ATF7: variants seen among roughly 807,000 people sequenced by gnomAD.
ATF7 encodes cyclic AMP-dependent transcription factor ATF-7.
A neutral mutation model predicts 50.4 loss-of-function variants in ATF7; 10 were observed. The ratio of observed to expected loss-of-function variants is 0.20; its 90% confidence interval spans 0.12 to 0.34. ATF7 has a LOEUF of 0.34. ATF7 is among the 10% of genes least tolerant of loss of function. ATF7 has a pLI of 1.00. For missense variants in ATF7, 465 were observed against 613.9 expected, an observed-to-expected ratio of 0.76 and a Z score of 2.56; for synonymous variants, 201 against 226.4, an observed-to-expected ratio of 0.89 and a Z score of 1.01.
chr12:53,579,017 C>T (rs1183285598), intron 2 of ATF7, among the ~76,000 whole-genome samples: 1 of 151,928 alleles, frequency 6.6e-6, no homozygotes, highest in East Asian at 1.9e-4. Flanking sequence ...CTGAGGCAGG[C>T]AGATCACCTG....
intron 3 of ATF7, among the ~76,000 whole-genome samples, chr12:53,546,998 T>TTTTTTTTTTC: frequency 7.0e-6 from 1 of 142,352 alleles, no homozygotes; most frequent in Non-Finnish European, 1.5e-5. Flanking sequence ...TTTTTTTTTT[T>TTTTTTTTTTC]CCTTGAGACA....
chr12:53,529,160 A>T (rs575855298), intron 9 of ATF7, among the ~76,000 whole-genome samples: 29 of 152,302 alleles, frequency 1.9e-4, no homozygotes, highest in African/African-American at 6.5e-4. Context: ...ACTCATGACC[A>T]GCCTGGGCAA....
chr12:53,509,718 CTGGTCT>C (rs552097088), downstream of ATF7, among the ~76,000 whole-genome samples: 1 of 152,068 alleles, frequency 6.6e-6, no homozygotes, highest in Non-Finnish European at 1.5e-5. Flanking sequence ...GTTGGCCAGG[CTGGTCT>C]TGAACTCCTG....
Position 53,517,130 on chromosome 12 carries a change from G to T in ATF7, c.*7C>A, listed in dbSNP as rs1344971322. The T allele has an allele frequency of 6.2e-7, 1 of 1,609,148 alleles. No homozygotes were observed. The highest frequency in any genetic ancestry group is 1.3e-5 in the African/African-American group (1 of 75,068). On this transcript the variant is annotated 3_prime_UTR_variant, in exon 12 of 12. Coordinates refer to ENST00000420353, the MANE Select transcript of ATF7 (RefSeq NM_006856.3). ...TCTGGCTGAGGACCTCTCCACCAGA[G>T]GAGGCATCATCTGCCCGCAGACTGG... is the stretch of plus-strand genomic sequence containing the variant.
chr12:53,605,474 G>A (rs75949082), intron 1 of ATF7, among the ~76,000 whole-genome samples: 61 of 150,584 alleles, frequency 4.1e-4, no homozygotes, highest in African/African-American at 1.4e-3. Flanking sequence ...TACACATTTA[G>A]TGAGTTTTAA....
chr12:53,595,217 A>G (rs1383025872), intron 2 of ATF7, among the ~76,000 whole-genome samples: 1 of 152,206 alleles, frequency 6.6e-6, no homozygotes, highest in Non-Finnish European at 1.5e-5. Context: ...TTTTTGCCTG[A>G]AATTGCCTTC....
downstream of ATF7, chr12:53,512,002 G>A (rs1330584002): frequency 6.6e-6 from 1 of 152,262 alleles, no homozygotes; most frequent in Admixed American, 6.6e-5. Flanking sequence ...TGACCTCCCA[G>A]AAAAGGGGAC....
intron 2 of ATF7, among the ~76,000 whole-genome samples, chr12:53,597,595 G>A (rs1373585717): frequency 2.0e-5 from 3 of 152,058 alleles, no homozygotes; most frequent in Non-Finnish European, 2.9e-5. Flanking sequence ...GGACCACGAG[G>A]TCAGGAGACT....
intron 3 of ATF7, among the ~76,000 whole-genome samples, chr12:53,550,323 C>CAAA (rs72114384): frequency 5.5e-4 from 69 of 126,318 alleles, no homozygotes; most frequent in Admixed American, 2.2e-3. Flanking sequence ...GACCCTGTCT[C>CAAA]AAAAAAAAAA....
intron 2 of ATF7, among the ~76,000 whole-genome samples, chr12:53,596,964 TAACC>T (rs1479767923): frequency 1.1e-4 from 16 of 152,296 alleles, no homozygotes; most frequent in Non-Finnish European, 1.9e-4. Flanking sequence ...TTAACAACAC[TAACC>T]CCATTCTCAG....
intron 3 of ATF7, among the ~76,000 whole-genome samples, chr12:53,551,652 G>A (rs1038523924): frequency 6.6e-6 from 1 of 152,192 alleles, no homozygotes; most frequent in African/African-American, 2.4e-5. Flanking sequence ...CATCATGTAT[G>A]GAAGTATGAT....
At chr12:53,531,509 T>A (rs572679289) in intron 9 of ATF7, among the ~76,000 whole-genome samples, 5 of 151,498 alleles carry the variant, frequency 3.3e-5, no homozygotes. Flanking sequence ...CAAGGGTGAA[T>A]AAAGAATGGT....
intron 1 of ATF7, among the ~76,000 whole-genome samples, chr12:53,613,561 C>A (rs1943987051): frequency 6.6e-6 from 1 of 151,974 alleles, no homozygotes; most frequent in African/African-American, 2.4e-5. Flanking sequence ...TACTCTGTTG[C>A]CCAAGCTGGA....
chr12:53,608,702 TA>T (rs897390931), intron 1 of ATF7, among the ~76,000 whole-genome samples: 2 of 152,206 alleles, frequency 1.3e-5, no homozygotes, highest in South Asian at 4.1e-4. Flanking sequence ...TTTATGATAA[TA>T]AAAAAATTAT....
intron 2 of ATF7, among the ~76,000 whole-genome samples, chr12:53,584,881 G>C (rs963206196): frequency 6.6e-6 from 1 of 152,168 alleles, no homozygotes; most frequent in Non-Finnish European, 1.5e-5. Flanking sequence ...GCTTGCCAGC[G>C]GTCAGTGGGA....
At chr12:53,529,357 G>A (rs530732588) in intron 9 of ATF7, among the ~76,000 whole-genome samples, 2 of 151,936 alleles carry the variant, frequency 1.3e-5, no homozygotes, top group South Asian at 2.1e-4. Context: ...GCGCCACCAC[G>A]CCTGGCTAAT....
chr12:53,575,913 TGA>T (rs1942042164), intron 2 of ATF7: 2 of 153,222 alleles, frequency 1.3e-5, no homozygotes, highest in African/African-American at 4.8e-5. Context: ...CAACTGTGCA[TGA>T]GAGAACACAC....
At chr12:53,610,473 G>C (rs1943815901) in intron 1 of ATF7, among the ~76,000 whole-genome samples, 1 of 150,986 alleles carries the variant, frequency 6.6e-6, no homozygotes, top group Non-Finnish European at 1.5e-5. Flanking sequence ...GGTGAGGTGG[G>C]AGAATCACTT....
chr12:53,614,871 C>T (rs1334915640), intron 1 of ATF7, among the ~76,000 whole-genome samples: 2 of 152,056 alleles, frequency 1.3e-5, no homozygotes, highest in Non-Finnish European at 1.5e-5. Flanking sequence ...GCCTGAGGTC[C>T]GGAGTTCAAG....
Sources: gnomAD v4.1 joint callset for allele counts (sites outside exome capture counted in the v4.1 genomes callset) on GRCh38, gnomAD v4.1.1 for gene constraint, MANE v1.5 for transcripts, NCBI Gene and HGNC (gene_info 2026-07-23, HGNC 2026-07-21) for gene names.